CDH18: variants seen among roughly 807,000 people sequenced by gnomAD.
The protein encoded by CDH18 is cadherin 18.
In CDH18, 31 loss-of-function variants were observed where a neutral mutation model predicts 67.9. That is an observed-to-expected ratio of 0.46 (90% CI 0.34 to 0.62). The LOEUF (loss-of-function observed/expected upper bound fraction) is 0.62, where lower values mean the gene tolerates loss of function less well. Among genes scored for constraint, CDH18 ranks in the 20% least tolerant of loss-of-function variants. The probability of loss-of-function intolerance (pLI) is 0.01; values close to 1 mark genes in which losing one functional copy is unlikely to be tolerated. For synonymous variants in CDH18, 362 were observed against 347.2 expected, an observed-to-expected ratio of 1.04 and a Z score of -0.48; for missense variants, 890 against 975.5, an observed-to-expected ratio of 0.91 and a Z score of 1.17.
At chr5:20,300,166 GAGGA>G (rs755936974) in intron 1 of CDH18, among the ~76,000 whole-genome samples, 19 of 152,114 alleles carry the variant, frequency 1.2e-4, no homozygotes, top group Non-Finnish European at 2.4e-4. Flanking sequence ...TTAGTTTAAA[GAGGA>G]AGGAAGTTTG....
chr5:19,970,150 G>A (rs890888963), intron 2 of CDH18, among the ~76,000 whole-genome samples: 1 of 151,484 alleles, frequency 6.6e-6, no homozygotes, highest in Non-Finnish European at 1.5e-5. Flanking sequence ...TACTGCTCCA[G>A]GGCAGCAAGA....
chr5:19,576,885 T>C (rs1742400490), intron 7 of CDH18, among the ~76,000 whole-genome samples: 1 of 152,162 alleles, frequency 6.6e-6, no homozygotes, highest in South Asian at 2.1e-4. Flanking sequence ...GTGGTGTAGA[T>C]ACACAGTGGA....
intron 5 of CDH18, among the ~76,000 whole-genome samples, chr5:19,678,627 A>G (rs1381001469): frequency 1.3e-5 from 2 of 151,774 alleles, no homozygotes; most frequent in Non-Finnish European, 2.9e-5. Flanking sequence ...AAAAATCACC[A>G]AACTCACAGA....
At chr5:20,195,122 T>C (rs1347774145) in intron 2 of CDH18, among the ~76,000 whole-genome samples, 1 of 152,080 alleles carries the variant, frequency 6.6e-6, no homozygotes, top group Non-Finnish European at 1.5e-5. Context: ...TACCTCCATC[T>C]TATTCAAAAA....
chr5:19,895,020 T>A (rs1789159798), intron 2 of CDH18, among the ~76,000 whole-genome samples: 1 of 152,160 alleles, frequency 6.6e-6, no homozygotes, highest in Non-Finnish European at 1.5e-5. Context: ...CTATTCAATA[T>A]TTCCTTTTTA....
chr5:19,578,836 A>G (rs1742750810), intron 7 of CDH18, among the ~76,000 whole-genome samples: 1 of 151,690 alleles, frequency 6.6e-6, no homozygotes, highest in African/African-American at 2.4e-5. Flanking sequence ...CCTGAAGAAG[A>G]AGGTTGTGGT....
chr5:20,503,816 T>A (rs1428122106), intron 1 of CDH18, among the ~76,000 whole-genome samples: 1 of 151,966 alleles, frequency 6.6e-6, no homozygotes, highest in African/African-American at 2.4e-5. Context: ...GGCGGGTGGA[T>A]TATCTGAGCT....
chr5:20,298,505 T>A (rs1477573380), intron 1 of CDH18, among the ~76,000 whole-genome samples: 1 of 152,152 alleles, frequency 6.6e-6, no homozygotes, highest in Non-Finnish European at 1.5e-5. Flanking sequence ...AATTAACTCA[T>A]TGAGAATAAT....
chr5:19,638,977 GTTTTTTTTTTTT>G (rs34631530), intron 5 of CDH18, among the ~76,000 whole-genome samples: 898 of 54,738 alleles, frequency 0.016, 16 homozygotes, highest in African/African-American at 0.044. Context: ...TTTTGTTGCT[GTTTTTTTTTTTT>G]TTTTTTTTTT....
At chr5:20,223,724 T>C (rs1317614415) in intron 2 of CDH18, among the ~76,000 whole-genome samples, 1 of 152,084 alleles carries the variant, frequency 6.6e-6, no homozygotes, top group Non-Finnish European at 1.5e-5. Flanking sequence ...ATAAGTCTGA[T>C]GATTTTATAA....
intron 1 of CDH18, among the ~76,000 whole-genome samples, chr5:20,308,079 C>CTTTTTTTTTTTT (rs759117114): frequency 3.2e-4 from 27 of 85,436 alleles, no homozygotes; most frequent in East Asian, 7.2e-4. Context: ...AATACTACTG[C>CTTTTTTTTTTTT]TTTTTTTTTT....
chr5:19,981,465 A>C (rs1417692095), intron 1 of CDH18, among the ~76,000 whole-genome samples: 1 of 152,196 alleles, frequency 6.6e-6, no homozygotes, highest in Non-Finnish European at 1.5e-5. Context: ...AAGGCTAAGA[A>C]GTCCAGGATT....
At chr5:19,683,409 C>A (rs538243437) in intron 5 of CDH18, among the ~76,000 whole-genome samples, 1 of 152,038 alleles carries the variant, frequency 6.6e-6, no homozygotes, top group East Asian at 1.9e-4. Flanking sequence ...CTGGTTTAAT[C>A]CTGATAACTG....
chr5:20,297,464 G>A (rs1747630749), intron 1 of CDH18, among the ~76,000 whole-genome samples: 1 of 152,156 alleles, frequency 6.6e-6, no homozygotes, highest in East Asian at 1.9e-4. Flanking sequence ...AAGGATCATG[G>A]CTTTGGCTTT....
At chr5:19,833,736 G>A (rs966487154) in intron 3 of CDH18, among the ~76,000 whole-genome samples, 1 of 152,120 alleles carries the variant, frequency 6.6e-6, no homozygotes, top group Non-Finnish European at 1.5e-5. Flanking sequence ...ATGAACGGAT[G>A]TTAAATTTTA....
chr5:19,635,507 C>G (rs1156375313), intron 5 of CDH18, among the ~76,000 whole-genome samples: 1 of 152,024 alleles, frequency 6.6e-6, no homozygotes, highest in African/African-American at 2.4e-5. Flanking sequence ...TTTTGTAAAC[C>G]CTTGATGACA....
chr5:19,560,828 C>G (rs1739319669), intron 8 of CDH18, among the ~76,000 whole-genome samples: 1 of 151,570 alleles, frequency 6.6e-6, no homozygotes, highest in Non-Finnish European at 1.5e-5. Flanking sequence ...AAAAAAAATC[C>G]CATCAAAAAG....
At chr5:19,718,814 C>T (rs1765652603) in intron 5 of CDH18, among the ~76,000 whole-genome samples, 1 of 151,842 alleles carries the variant, frequency 6.6e-6, no homozygotes, top group East Asian at 1.9e-4. Flanking sequence ...CAAAGAAATG[C>T]AAGAGCAAAG....
At chr5:20,029,531 A>G (rs1464023975) in intron 2 of CDH18, among the ~76,000 whole-genome samples, 2 of 152,170 alleles carry the variant, frequency 1.3e-5, no homozygotes, top group African/African-American at 2.4e-5. Flanking sequence ...TTTACAGCAA[A>G]ATTATTCAAG....
Sources: allele counts gnomAD v4.1 joint callset (sites outside exome capture counted in the v4.1 genomes callset), GRCh38; gene constraint gnomAD v4.1.1; transcripts MANE v1.5; gene names NCBI Gene and HGNC (gene_info 2026-07-23, HGNC 2026-07-21).